Variants in BCL2L11 observed in about 807,000 individuals in gnomAD.
BCL2L11 encodes bcl-2-like protein 11.
A neutral mutation model predicts 20.6 loss-of-function variants in BCL2L11; 15 were observed. That is an observed-to-expected ratio of 0.73 (90% CI 0.49 to 1.12). BCL2L11 has a LOEUF of 1.12. BCL2L11 is among the 50% of genes most tolerant of loss of function. BCL2L11 has a pLI of 0.00. For missense variants in BCL2L11, 292 were observed against 260.9 expected (o/e 1.12, Z -0.82); for synonymous variants, 108 against 92.8 (o/e 1.16, Z -0.94).
chr2:111,134,623 C>T (rs952115798), intron 2 of BCL2L11, among the ~76,000 whole-genome samples: 1 of 152,112 alleles, frequency 6.6e-6, no homozygotes, highest in African/African-American at 2.4e-5. Context: ...AATGTTCTTT[C>T]CTTTCTGAAG....
rs1433687184 is a variant in BCL2L11, at chr2:111,122,696, C to T, written c.-13-1037C>T. The T allele has an allele frequency of 5.1e-6, 5 of 981,904 alleles. No individual in the cohort carries two copies. In the African/African-American group the frequency reaches 7.0e-5, roughly 14 times the overall value. 60.8% of individuals were successfully genotyped at this position (981,904 alleles called of 1,614,324 possible). A position where few individuals can be genotyped will look rare whatever the true frequency, so the allele number is the denominator to read the frequency against. Reference sequence around the variant, plus strand: ...CGGCCGGGGCAGCGCGGGCCAGAGGCGCGGCGTGCGGAGCCCTCGGCTGCC... The same window carrying T: ...CGGCCGGGGCAGCGCGGGCCAGAGGTGCGGCGTGCGGAGCCCTCGGCTGCC... On this transcript the variant is annotated intron_variant, in intron 1 of 3. Transcript: ENST00000393256.
intron 3 of BCL2L11, chr2:111,151,982 G>A: frequency 8.5e-7 from 1 of 1,182,888 alleles, no homozygotes; most frequent in Non-Finnish European, 1.2e-6. Context: ...TACCTAAAGG[G>A]ATTTTGGTGT....
chr2:111,138,419 C>T (rs188098362), intron 2 of BCL2L11, among the ~76,000 whole-genome samples: 1 of 152,100 alleles, frequency 6.6e-6, no homozygotes, highest in East Asian at 1.9e-4. Context: ...AACTTTTGCT[C>T]TTTATAATTT....
intron 2 of BCL2L11, among the ~76,000 whole-genome samples, chr2:111,126,484 G>A (rs928635961): frequency 1.3e-5 from 2 of 152,148 alleles, no homozygotes; most frequent in Admixed American, 1.3e-4. Context: ...ACCGAGGTAA[G>A]TTTTCAGTGT....
At chr2:111,138,200 G>T (rs1447872951) in intron 2 of BCL2L11, among the ~76,000 whole-genome samples, 3 of 151,782 alleles carry the variant, frequency 2.0e-5, no homozygotes, top group Admixed American at 2.0e-4. Flanking sequence ...GTAGAGACAG[G>T]GTTTCACTAT....
intron 2 of BCL2L11, among the ~76,000 whole-genome samples, chr2:111,138,512 C>T (rs1391108970): frequency 6.6e-6 from 1 of 152,226 alleles, no homozygotes; most frequent in Non-Finnish European, 1.5e-5. Flanking sequence ...ACCGTTGTGT[C>T]TTTTGCATTG....
intron 2 of BCL2L11, among the ~76,000 whole-genome samples, chr2:111,125,946 T>A (rs183287493): frequency 1.4e-3 from 206 of 152,298 alleles, no homozygotes; most frequent in Non-Finnish European, 2.3e-3. Flanking sequence ...CATCCTTGCT[T>A]ACTAAATGAG....
intron 3 of BCL2L11, chr2:111,153,977 G>C: frequency 7.1e-7 from 1 of 1,410,916 alleles, no homozygotes; most frequent in East Asian, 2.7e-5. Flanking sequence ...AACCTGCCGG[G>C]CTGAACGGCC....
In BCL2L11 at chr2:111,164,407, C is replaced by T; in HGVS notation, c.*176C>T. ...ATGGGACTACCTTTCTGTTCATCAC[C>T]ACACAGCAGAATTTCTAATGGAAGT... On this transcript the variant is annotated 3_prime_UTR_variant, in exon 4 of 4. Coordinates refer to ENST00000393256, the MANE Select transcript of BCL2L11 (RefSeq NM_138621.5). 1.9e-6 allele frequency: 1 copy of T among 534,016 alleles called. No homozygotes were observed. Among genetic ancestry groups the T allele is most frequent in the Non-Finnish European group, 3.4e-6 (1 of 295,378 alleles). 33.1% of individuals were successfully genotyped at this position (534,016 alleles called of 1,614,324 possible). A position where few individuals can be genotyped will look rare whatever the true frequency, so the allele number is the denominator to read the frequency against.
intron 3 of BCL2L11, among the ~76,000 whole-genome samples, chr2:111,162,469 C>T (rs1156453708): frequency 6.6e-6 from 1 of 152,202 alleles, no homozygotes; most frequent in Non-Finnish European, 1.5e-5. Flanking sequence ...ACTCTAAAAA[C>T]CTTGGAAAGA....
intron 3 of BCL2L11, among the ~76,000 whole-genome samples, chr2:111,157,421 C>CTT (rs937287812): frequency 3.3e-5 from 5 of 152,194 alleles, no homozygotes; most frequent in African/African-American, 1.2e-4. Context: ...TTACGTCTCA[C>CTT]TTAGCTTTTT....
intron 2 of BCL2L11, chr2:111,130,095 G>A (rs116162743): frequency 2.5e-6 from 1 of 397,106 alleles, no homozygotes; most frequent in South Asian, 1.8e-5. Context: ...AGTATTTATT[G>A]TACTTTTACT....
At chr2:111,128,284 TA>T in intron 2 of BCL2L11, among the ~76,000 whole-genome samples, 1 of 152,170 alleles carries the variant, frequency 6.6e-6, no homozygotes. Context: ...CCTTCCTTTT[TA>T]AGGCTGAAGG....
rs73954975 is a variant in BCL2L11, at chr2:111,163,883, T to C, written c.499-250T>C. ...GTGCTTTTTTTTTTTTTTTTTTTTT[T>C]CCTATTTTAAGGAGTAAATCATTGG... On this transcript the variant is annotated intron_variant, in intron 3 of 3. Transcript: ENST00000393256. Among the ~76,000 whole-genome samples the C allele has an allele frequency of 4.4e-3, 525 of 119,140 alleles. 2 individuals are homozygous for C. Among genetic ancestry groups the C allele is most frequent in the African/African-American group, 0.018 (481 of 27,396 alleles). The allele number at this position is 119,140 out of a possible 152,430, so 78.2% of individuals were successfully genotyped here. A position where few individuals can be genotyped will look rare whatever the true frequency, so the allele number is the denominator to read the frequency against.
At chr2:111,158,892 A>C (rs1233216416) in intron 3 of BCL2L11, among the ~76,000 whole-genome samples, 1 of 152,076 alleles carries the variant, frequency 6.6e-6, no homozygotes, top group Admixed American at 6.5e-5. Context: ...TGTGTTACAC[A>C]CATTTGCGCT....
intron 2 of BCL2L11, among the ~76,000 whole-genome samples, chr2:111,127,967 T>TA (rs577150012): frequency 3.3e-4 from 51 of 152,276 alleles, no homozygotes; most frequent in Admixed American, 3.3e-3. Flanking sequence ...GCGTAAAATT[T>TA]ACCATCTGAA....
At chr2:111,131,238 G>C (rs1455647292) in intron 2 of BCL2L11, 2 of 113,350 alleles carry the variant, frequency 1.8e-5, no homozygotes, top group Non-Finnish European at 3.8e-5. Context: ...GGGGTGGGGG[G>C]GATGGGGGGC....
intron 2 of BCL2L11, among the ~76,000 whole-genome samples, chr2:111,125,784 G>A (rs1336565210): frequency 6.6e-6 from 1 of 152,152 alleles, no homozygotes; most frequent in African/African-American, 2.4e-5. Flanking sequence ...AATTTTTTAG[G>A]GTCCCTCCTT....
At chr2:111,147,726 C>T (rs902705962) in intron 2 of BCL2L11, among the ~76,000 whole-genome samples, 1 of 152,188 alleles carries the variant, frequency 6.6e-6, no homozygotes, top group African/African-American at 2.4e-5. Context: ...TTCTAAACCA[C>T]AGACACAAGT....
Sources: gnomAD v4.1 joint callset for allele counts (sites outside exome capture counted in the v4.1 genomes callset) on GRCh38, gnomAD v4.1.1 for gene constraint, MANE v1.5 for transcripts, NCBI Gene and HGNC (gene_info 2026-07-23, HGNC 2026-07-21) for gene names.